The following BAZ2A variants were observed in gnomAD, a reference collection of about 807,000 sequenced individuals.
BAZ2A encodes bromodomain adjacent to zinc finger domain protein 2A.
Under a neutral mutation model 199.9 loss-of-function variants are expected in BAZ2A, and 34 were observed. The ratio of observed to expected loss-of-function variants is 0.17; its 90% CI spans 0.13 to 0.23. The LOEUF is 0.23. Among genes scored for constraint, BAZ2A ranks in the 10% least tolerant of loss-of-function variants. The probability of loss-of-function intolerance (pLI) is 1.00; values close to 1 mark genes in which losing one functional copy is unlikely to be tolerated. For synonymous variants in BAZ2A, 857 were observed against 883.9 expected (o/e 0.97, Z 0.54); for missense variants, 2,002 against 2,391.1 (o/e 0.84, Z 3.39).
chr12:56,618,563 ATC>A (rs1950800907), intron 1 of BAZ2A, among the ~76,000 whole-genome samples: 1 of 152,254 alleles, frequency 6.6e-6, no homozygotes, highest in South Asian at 2.1e-4. Context: ...GAGAAACATA[ATC>A]TGTCTTGATA....
Position 56,597,558 on chromosome 12 carries a change from G to GCACGCACA in BAZ2A, c.*1052_*1059dup, listed in dbSNP as rs1555204154. The GCACGCACA allele has an allele frequency of 1.4e-3, 6 of 4,400 alleles. No homozygotes were observed. Among genetic ancestry groups the GCACGCACA allele is most frequent in the African/African-American group, 2.2e-3 (3 of 1,362 alleles). The allele number at this position is 4,400 out of a possible 1,614,324, so 0.3% of individuals were successfully genotyped here. The stretch of plus-strand genomic sequence containing the variant: ...CCTATCAAACAATACAGGGTCACAA[G>GCACGCACA]CACGCACACACACACACACACACAG... On this transcript the variant is annotated 3_prime_UTR_variant, in exon 29 of 29. Coordinates refer to ENST00000549884, the MANE Select transcript of BAZ2A (RefSeq NM_001300905.2).
chr12:56,604,880 T>A lies in BAZ2A; in HGVS notation c.2749-81A>T, dbSNP rs57002887. ...GGTGAATGTGCAAGAGGAAAATACA[T>A]CAGAAGAGAACTATGGGGGTTAAGA... is the stretch of plus-strand genomic sequence containing the variant. On this transcript the variant is annotated intron_variant, in intron 14 of 28. Coordinates refer to ENST00000549884, the MANE Select transcript of BAZ2A (RefSeq NM_001300905.2). 457 of 1,480,730 alleles carry A rather than the reference T, an allele frequency of 3.1e-4. 1 individual carries two copies. The African/African-American group carries it at 5.7e-3, about 18-fold the overall frequency. 91.7% of individuals were successfully genotyped at this position (1,480,730 alleles called of 1,614,324 possible).
chr12:56,611,527 A>G, intron 7 of BAZ2A, 46 bp downstream of exon 7: 1 of 1,568,736 alleles, frequency 6.4e-7, no homozygotes, highest in African/African-American at 1.4e-5. Flanking sequence ...AGAGTTGTGC[A>G]TTAAACTTGT....
intron 1 of BAZ2A, among the ~76,000 whole-genome samples, chr12:56,620,519 AAAACAAAC>A (rs201442015): frequency 6.6e-6 from 1 of 151,716 alleles, no homozygotes; most frequent in African/African-American, 2.4e-5. Context: ...AAAACAAAAC[AAAACAAAC>A]AAACAAACAA....
At chr12:56,599,930 C>T (rs2256341) in intron 25 of BAZ2A, 34 bp downstream of exon 25, 397,018 of 1,612,966 alleles carry the variant, frequency 0.25, 50,656 homozygotes, top group Middle Eastern at 0.28. Flanking sequence ...GCTGGCTGGC[C>T]CCTCAGCCTC....
intron 1 of BAZ2A, among the ~76,000 whole-genome samples, chr12:56,622,908 A>G (rs1180568819): frequency 6.6e-6 from 1 of 152,126 alleles, no homozygotes; most frequent in East Asian, 1.9e-4. Flanking sequence ...CCAATCAAAG[A>G]GCTGCTACTC....
chr12:56,601,833 G>A lies in BAZ2A; in HGVS notation c.3784C>T (p.Leu1262Phe). Residue 1262 changes from leucine to phenylalanine, a missense_variant, in exon 20 of 29, where the codon CTC (leucine) becomes TTC (phenylalanine). Leu to Phe is a conservative substitution (Grantham distance 22). Transcript: ENST00000549884. ...PLSLGQSQHD[L>F]SQSAFLSWLS... ...CAAGACAGGAAGGCTGACTGGCTGA[G>A]GTCATGCTGGCTCTGACCCAGTGAC... The A allele has an allele frequency of 6.2e-7, 1 of 1,614,014 alleles. No homozygotes were observed. Among genetic ancestry groups the A allele is most frequent in the South Asian group, 1.1e-5 (1 of 91,078 alleles).
chr12:56,619,106 G>C (rs978422944), intron 1 of BAZ2A, among the ~76,000 whole-genome samples: 8 of 151,936 alleles, frequency 5.3e-5, no homozygotes, highest in Non-Finnish European at 8.8e-5. Context: ...CACTTTGGGA[G>C]GCCGAGGCTG....
intron 28 of BAZ2A, 36 bp downstream of exon 28, chr12:56,598,832 T>C (rs750763173): frequency 1.2e-6 from 2 of 1,608,718 alleles, no homozygotes; most frequent in Non-Finnish European, 1.7e-6. Flanking sequence ...GTTGCAGCAG[T>C]AGCAAAGACC....
At position 56,599,197 on chromosome 12, in the gene BAZ2A, T is replaced by G. The variant is rs769930015; in HGVS notation, c.5334A>C (p.Glu1778Asp). ...SPAAGPRYSE[E>D]GLSPSKRRRL... ...GCCGCCGCTTGGAGGGGGAGAGCCC[T>G]TCTTCCGAGTACCGAGGCCCTGCTG... Residue 1778 changes from glutamate (E) to aspartate (D), a missense_variant, in exon 27 of 29, where the codon GAA becomes GAC. By Grantham distance (45) the Glu-to-Asp change is conservative. Around this residue, in one of 6 missense-constraint regions of BAZ2A, gnomAD observed 122 missense variants for 123.0 expected, o/e 0.99. Coordinates refer to ENST00000549884, the MANE Select transcript of BAZ2A (RefSeq NM_001300905.2). 14 of 1,613,244 alleles carry G rather than the reference T, an allele frequency of 8.7e-6. No homozygotes were observed. The South Asian group carries it at 1.5e-4, about 18-fold the overall frequency.
Position 56,610,118 on chromosome 12 carries a change from G to A in BAZ2A, c.1877C>T (p.Pro626Leu), listed in dbSNP as rs1425171878. ...VGDFFEERDT[P>L]EGLQWVQLSA... ...ATTTAACCCTTGGGTCTGCACCTCT[G>A]GCGTGTCTCTTTCTTCAAAGAAATC... Residue 626 changes from proline (P) to leucine (L), a missense_variant, in exon 9 of 29, where the codon CCA (proline) becomes CTA (leucine). Around this residue, in one of 6 missense-constraint regions of BAZ2A, gnomAD observed 74 missense variants for 126.1 expected, o/e 0.59. Transcript: ENST00000549884. 1.2e-6 allele frequency: 2 copies of A among 1,613,770 alleles called. No individual in the cohort carries two copies. The highest frequency in any genetic ancestry group is 1.7e-5 in the Admixed American group (1 of 60,020).
At chr12:56,599,103 GT>G in intron 27 of BAZ2A, 25 bp downstream of exon 27, 2 of 1,600,852 alleles carry the variant, frequency 1.2e-6, no homozygotes, top group East Asian at 4.5e-5. Context: ...AGAGCCAACT[GT>G]CCCCCCAGGA....
At position 56,602,758 on chromosome 12, in the gene BAZ2A, G is replaced by T; in HGVS notation, c.3379C>A (p.Pro1127Thr). The T allele has an allele frequency of 6.2e-7, 1 of 1,613,894 alleles. No individual in the cohort carries two copies. ...TCTACAAAGATACCAGCCAAATACG[G>T]CAATACCCAGTAGCGACGTCTGTAG... Reference protein sequence around the residue: ...DRYRRRYWVLPYLAGIFVEGT... With the variant: ...DRYRRRYWVLTYLAGIFVEGT... The change falls in exon 19 of 29, where the codon CCG becomes ACG. Residue 1127 changes from proline to threonine, a missense_variant. This residue lies in a region of BAZ2A where 1,081 missense variants were observed against 1,274.7 expected (regional missense o/e 0.85). Transcript: ENST00000549884.
chr12:56,637,151 AT>A (rs1467792958), upstream of BAZ2A, among the ~76,000 whole-genome samples: 1 of 152,204 alleles, frequency 6.6e-6, no homozygotes, highest in East Asian at 1.9e-4. Context: ...GCCTTCATGG[AT>A]TTGAAAATGG....
At position 56,602,070 on chromosome 12, in the gene BAZ2A, G is replaced by C; in HGVS notation, c.3547C>G (p.Pro1183Ala). 6.4e-7 allele frequency: 1 copy of C among 1,568,826 alleles called. No individual in the cohort carries two copies. Among genetic ancestry groups the C allele is most frequent in the Non-Finnish European group, 8.6e-7 (1 of 1,156,404 alleles). The change falls in exon 20 of 29, where the codon CCT becomes GCT. Residue 1183 changes from proline to alanine, a missense_variant. Physicochemically the swap from Pro to Ala is conservative, Grantham distance 27. Transcript: ENST00000549884. ...LAGSNTTASSPARARGRPRKT... is the reference protein window; with the variant it reads ...LAGSNTTASSAARARGRPRKT... The stretch of plus-strand genomic sequence containing the variant: ...CGAGGTCGGCCTCGGGCCCGGGCAG[G>C]AGAACTGGCAGTGGTGTTGGAGCCA...
intron 1 of BAZ2A, among the ~76,000 whole-genome samples, chr12:56,622,298 C>T (rs2137218652): frequency 6.6e-6 from 1 of 152,118 alleles, no homozygotes; most frequent in African/African-American, 2.4e-5. Context: ...TGAGATCGCA[C>T]CATTGCACTC....
intron 1 of BAZ2A, among the ~76,000 whole-genome samples, chr12:56,629,354 G>A (rs977814675): frequency 7.9e-5 from 12 of 152,224 alleles, no homozygotes; most frequent in Non-Finnish European, 2.9e-5. Flanking sequence ...CACCGGGAAA[G>A]AAAGGGATGA....
Position 56,600,384 on chromosome 12 carries a change from C to A in BAZ2A, c.4709G>T (p.Gly1570Val). The A allele has an allele frequency of 1.9e-6, 3 of 1,614,026 alleles. No homozygotes were observed. The highest frequency in any genetic ancestry group is 2.5e-6 in the Non-Finnish European group (3 of 1,179,894). ...DITWRGRGRE[G>V]LAPQRKTTNP... ...GGTAGTTTTACGCTGAGGTGCCAGT[C>A]CCTCCCTGCCCCGACCTCGCCAGGT... Residue 1570 changes from glycine (G) to valine (V), a missense_variant, in exon 24 of 29, where the codon GGA becomes GTA. Physicochemically the swap from Gly to Val is moderately radical, Grantham distance 109. Transcript: ENST00000549884.
chr12:56,636,439 G>A (rs1951450826), upstream of BAZ2A: 5 of 1,282,302 alleles, frequency 3.9e-6, no homozygotes, highest in South Asian at 6.9e-5. Flanking sequence ...GGGAGGAGGC[G>A]AGGACAGGGC....
Sources: allele counts gnomAD v4.1 joint callset (sites outside exome capture counted in the v4.1 genomes callset), GRCh38; gene constraint gnomAD v4.1.1; regional missense constraint gnomAD v4.1.1; transcripts MANE v1.5; gene names NCBI Gene and HGNC (gene_info 2026-07-23, HGNC 2026-07-21).